The following RIMS1 variants were observed in gnomAD, a reference collection of about 807,000 sequenced individuals.
The protein encoded by RIMS1 is regulating synaptic membrane exocytosis protein 1.
In RIMS1, 83 loss-of-function variants were observed where a neutral mutation model predicts 214.1. The ratio of observed to expected loss-of-function variants is 0.39; its 90% CI spans 0.32 to 0.47. The LOEUF (loss-of-function observed/expected upper bound fraction) is 0.47, where lower values mean the gene tolerates loss of function less well. Ranked by LOEUF, RIMS1 falls within the 20% of genes least tolerant of loss-of-function variation. The pLI is 0.99. For synonymous variants in RIMS1, 793 were observed against 786.8 expected (o/e 1.01, Z -0.13); for missense variants, 2,050 against 2,161.8 (o/e 0.95, Z 1.03).
At chr6:72,151,285 G>A (rs1198049061) in intron 4 of RIMS1, among the ~76,000 whole-genome samples, 25 of 151,946 alleles carry the variant, frequency 1.6e-4, no homozygotes, top group Middle Eastern at 3.4e-3. Context: ...CTCGTGATCC[G>A]CCCGCCTCTG....
chr6:72,073,384 G>A (rs1447152629), intron 2 of RIMS1, among the ~76,000 whole-genome samples: 1 of 152,128 alleles, frequency 6.6e-6, no homozygotes. Flanking sequence ...GGTTAAAACT[G>A]AGACTCATTG....
chr6:72,345,701 CT>C (rs2097240871), intron 29 of RIMS1, among the ~76,000 whole-genome samples: 1 of 151,776 alleles, frequency 6.6e-6, no homozygotes, highest in African/African-American at 2.4e-5. Context: ...TTTAAGACCA[CT>C]TAGTACACCA....
intron 6 of RIMS1, among the ~76,000 whole-genome samples, chr6:72,189,673 A>G (rs983074897): frequency 6.6e-6 from 1 of 152,180 alleles, no homozygotes; most frequent in African/African-American, 2.4e-5. Context: ...TTGGGCACTC[A>G]GCAGTGGCCA....
At chr6:72,353,563 AC>A (rs2097535289) in intron 29 of RIMS1, among the ~76,000 whole-genome samples, 1 of 152,174 alleles carries the variant, frequency 6.6e-6, no homozygotes, top group African/African-American at 2.4e-5. Context: ...AGAACAAAAA[AC>A]GTTTGTTCAT....
intron 31 of RIMS1, among the ~76,000 whole-genome samples, chr6:72,393,083 T>TG (rs1057314115): frequency 6.3e-5 from 7 of 111,616 alleles, no homozygotes; most frequent in African/African-American, 9.7e-5. Flanking sequence ...TTTCACAGCA[T>TG]GGAAAAAAAA....
chr6:72,392,556 A>G (rs1257089425), intron 30 of RIMS1, 142 bp from the exon 31 acceptor site: 2 of 701,674 alleles, frequency 2.9e-6, no homozygotes, highest in African/African-American at 1.8e-5. Flanking sequence ...CTCAAAGGCA[A>G]TGCAAAGAAT....
At chr6:72,289,139 T>C (rs1327178232) in intron 24 of RIMS1, among the ~76,000 whole-genome samples, 1 of 152,228 alleles carries the variant, frequency 6.6e-6, no homozygotes, top group African/African-American at 2.4e-5. Context: ...TGTGAATTGC[T>C]TTAAGGAATG....
chr6:72,000,132 T>C (rs570541865), intron 2 of RIMS1, among the ~76,000 whole-genome samples: 107 of 152,220 alleles, frequency 7.0e-4, no homozygotes, highest in African/African-American at 2.5e-3. Flanking sequence ...ATTTACCCTA[T>C]CCTTCTTGGA....
chr6:72,332,883 A>G (rs2096718928), intron 28 of RIMS1, among the ~76,000 whole-genome samples: 1 of 151,798 alleles, frequency 6.6e-6, no homozygotes, highest in South Asian at 2.1e-4. Context: ...CAAGCTGGTA[A>G]CATAGACAAG....
intron 26 of RIMS1, among the ~76,000 whole-genome samples, chr6:72,298,893 C>G (rs181907294): frequency 2.4e-4 from 37 of 152,072 alleles, no homozygotes; most frequent in African/African-American, 7.9e-4. Context: ...AAAGATAACA[C>G]ATCCTTTGGC....
At chr6:72,111,615 G>C (rs1033040154) in intron 4 of RIMS1, among the ~76,000 whole-genome samples, 9 of 152,002 alleles carry the variant, frequency 5.9e-5, no homozygotes, top group African/African-American at 2.2e-4. Context: ...CTTTTATATT[G>C]ATCTTCTTCT....
chr6:72,109,306 C>T (rs1334445378), intron 4 of RIMS1, among the ~76,000 whole-genome samples: 1 of 151,826 alleles, frequency 6.6e-6, no homozygotes, highest in Non-Finnish European at 1.5e-5. Context: ...AAGTAGTTTA[C>T]AGTCCCACCA....
At chr6:72,119,057 T>C (rs554822840) in intron 4 of RIMS1, among the ~76,000 whole-genome samples, 80 of 151,772 alleles carry the variant, frequency 5.3e-4, no homozygotes, top group Non-Finnish European at 1.1e-3. Context: ...AATGATATGA[T>C]TGTATACCTA....
intron 29 of RIMS1, among the ~76,000 whole-genome samples, chr6:72,389,385 TA>T (rs1352705699): frequency 7.9e-5 from 12 of 152,182 alleles, no homozygotes; most frequent in South Asian, 2.1e-4. Context: ...TTAAGAACAA[TA>T]AAAAATAAAA....
In RIMS1 at chr6:72,398,275, A is replaced by C. The variant is rs746245038; in HGVS notation, c.4645A>C (p.Lys1549Gln). 6.2e-7 allele frequency: 1 copy of C among 1,607,564 alleles called. No homozygotes were observed. The highest frequency in any genetic ancestry group is 8.5e-7 in the Non-Finnish European group (1 of 1,176,702). ...TGATATACAAATAGGAATGGAGGAC[A>C]AAAAGGGCCAATTAGAAGTGGAAGT... ...MGDIQIGMED[K>Q]KGQLEVEVIR... is the part of the protein sequence containing the mutation. Residue 1549 changes from lysine to glutamine, a missense_variant, in exon 32 of 34, where the codon AAA becomes CAA. Physicochemically the swap from Lys to Gln is moderately conservative, Grantham distance 53. Coordinates refer to ENST00000521978, the MANE Select transcript of RIMS1 (RefSeq NM_014989.7).
Position 72,271,289 on chromosome 6 carries a change from ATATAT to A in RIMS1, c.3399-3059_3399-3055del, listed in dbSNP as rs2083216535. The stretch of plus-strand genomic sequence containing the variant: ...TCAAGGAAAAAAAAAAAAAAAAAAT[ATATAT>A]ATATATATATATATATATATATGTT... On this transcript the variant is annotated intron_variant, in intron 22 of 33. Coordinates refer to ENST00000521978, the MANE Select transcript of RIMS1 (RefSeq NM_014989.7). Among the ~76,000 whole-genome samples the A allele has an allele frequency of 2.9e-4, 4 of 13,986 alleles. No individual in the cohort carries two copies. In the East Asian group the frequency reaches 0.031, roughly 107 times the overall value. 9.2% of individuals were successfully genotyped at this position (13,986 alleles called of 152,430 possible).
Position 72,237,818 on chromosome 6 carries a change from T to C in RIMS1, c.1858-5T>C. ...TTGGAAACTTATAAATTTGTAATTA[T>C]CCAGGTTGTTGGAGGAAAAATGACT... On this transcript the variant is annotated splice_polypyrimidine_tract_variant and splice_region_variant and intron_variant, in intron 8 of 33. Transcript: ENST00000521978. 6.2e-7 allele frequency: 1 copy of C among 1,606,138 alleles called. No individual in the cohort carries two copies. Among genetic ancestry groups the C allele is most frequent in the Non-Finnish European group, 8.5e-7 (1 of 1,172,950 alleles).
chr6:72,393,867 C>T (rs567025468), intron 31 of RIMS1, among the ~76,000 whole-genome samples: 44 of 152,168 alleles, frequency 2.9e-4, no homozygotes, highest in Non-Finnish European at 4.7e-4. Context: ...AATACAAAAG[C>T]CAGCCAAACT....
At chr6:72,276,059 C>T (rs144571274) in intron 23 of RIMS1, among the ~76,000 whole-genome samples, 12 of 152,158 alleles carry the variant, frequency 7.9e-5, no homozygotes, top group African/African-American at 2.9e-4. Flanking sequence ...CAAACAGTTT[C>T]AAAATTAGCT....
Sources: gnomAD v4.1 joint callset for allele counts (sites outside exome capture counted in the v4.1 genomes callset) on GRCh38, gnomAD v4.1.1 for gene constraint, MANE v1.5 for transcripts, NCBI Gene and HGNC (gene_info 2026-07-23, HGNC 2026-07-21) for gene names.